Variants in MYT1L observed in about 807,000 individuals in gnomAD.
MYT1L encodes the protein myelin transcription factor 1-like protein.
A neutral mutation model predicts 126.7 loss-of-function variants in MYT1L; 12 were observed. The ratio of observed to expected loss-of-function variants is 0.09; its 90% CI spans 0.06 to 0.15. The LOEUF (loss-of-function observed/expected upper bound fraction) is 0.15. Ranked by LOEUF, MYT1L falls within the 10% of genes least tolerant of loss-of-function variation. MYT1L has a pLI of 1.00. For missense variants in MYT1L, 979 were observed against 1,585.2 expected (o/e 0.62, Z 6.49); for synonymous variants, 541 against 604.2 (o/e 0.90, Z 1.53).
intron 2 of MYT1L, among the ~76,000 whole-genome samples, chr2:2,230,042 AT>A (rs1329615716): frequency 6.6e-6 from 1 of 152,200 alleles, no homozygotes; most frequent in Non-Finnish European, 1.5e-5. Flanking sequence ...CTTCAAAACA[AT>A]TCCTCTTTTC....
At position 1,961,558 on chromosome 2, in the gene MYT1L, A is replaced by T. The variant is rs530222395; in HGVS notation, c.152+17607T>A. The stretch of plus-strand genomic sequence containing the variant: ...AAGACGCGTGTGCTGGGCCTCTGCC[A>T]TCGGGCTTCGTGCACCCACACTGGC... On this transcript the variant is annotated intron_variant, in intron 8 of 24. Coordinates refer to ENST00000647738, the MANE Select transcript of MYT1L (RefSeq NM_001303052.2). 2.0e-5 allele frequency among the ~76,000 whole-genome samples: 3 copies of T among 152,256 alleles called. No individual in the cohort carries two copies. The East Asian group carries it at 5.8e-4, about 29-fold the overall frequency.
chr2:1,874,603 T>C (rs559436654), intron 18 of MYT1L, among the ~76,000 whole-genome samples: 1 of 152,278 alleles, frequency 6.6e-6, no homozygotes, highest in South Asian at 2.1e-4. Context: ...CCGGATGTCC[T>C]TCCTCCATCA....
At chr2:2,173,843 C>A (rs1161681942) in intron 2 of MYT1L, among the ~76,000 whole-genome samples, 1 of 152,186 alleles carries the variant, frequency 6.6e-6, no homozygotes, top group Non-Finnish European at 1.5e-5. Flanking sequence ...GCTCCCCATG[C>A]TGTTTATGAG....
At chr2:2,330,821 A>G (rs541789529) in intron 1 of MYT1L, 146 bp downstream of exon 1, 3 of 152,334 alleles carry the variant, frequency 2.0e-5, no homozygotes, top group African/African-American at 7.2e-5. Context: ...CCTCCAGTCC[A>G]GGAACATTTC....
chr2:1,934,908 CA>C lies in MYT1L; in HGVS notation c.505+8073del, dbSNP rs752884984. Among the ~76,000 whole-genome samples the C allele has an allele frequency of 4.6e-5, 7 of 152,232 alleles. No individual in the cohort carries two copies. The South Asian group carries it at 1.0e-3, about 23-fold the overall frequency. ...TGAAAATTCTGGTTCTTCTGTTTTCCAGAATGGGTTTGAGACACAGGTGGCT... is the reference window on the plus strand; with the variant it reads ...TGAAAATTCTGGTTCTTCTGTTTTCCGAATGGGTTTGAGACACAGGTGGCT... On this transcript the variant is annotated intron_variant, in intron 9 of 24. Transcript: ENST00000647738.
intron 8 of MYT1L, among the ~76,000 whole-genome samples, chr2:1,950,224 A>G (rs545915573): frequency 6.6e-6 from 1 of 152,004 alleles, no homozygotes; most frequent in African/African-American, 2.4e-5. Context: ...TGATTTTCTG[A>G]TCTCTGAAGG....
chr2:2,026,291 T>A (rs2065563783), intron 4 of MYT1L, among the ~76,000 whole-genome samples: 1 of 152,122 alleles, frequency 6.6e-6, no homozygotes, highest in Admixed American at 6.5e-5. Flanking sequence ...AGAGGTTTGC[T>A]GGGGCCGGCC....
intron 21 of MYT1L, among the ~76,000 whole-genome samples, chr2:1,819,323 G>A (rs1330821792): frequency 6.6e-6 from 1 of 152,216 alleles, no homozygotes; most frequent in Non-Finnish European, 1.5e-5. Flanking sequence ...TAACAGGAGG[G>A]TCATGACAAT....
At chr2:2,209,218 G>T (rs927957554) in intron 2 of MYT1L, among the ~76,000 whole-genome samples, 1 of 152,070 alleles carries the variant, frequency 6.6e-6, no homozygotes, top group South Asian at 2.1e-4. Flanking sequence ...GGTCTCCATC[G>T]CCTCAAGCAT....
intron 3 of MYT1L, among the ~76,000 whole-genome samples, chr2:2,167,064 T>A (rs531708316): frequency 2.0e-5 from 3 of 152,248 alleles, no homozygotes; most frequent in African/African-American, 7.2e-5. Flanking sequence ...GCGAGGCAAG[T>A]GTGTCTTGGG....
chr2:2,286,141 C>G (rs1006385679), intron 1 of MYT1L, among the ~76,000 whole-genome samples: 1 of 152,140 alleles, frequency 6.6e-6, no homozygotes, highest in Admixed American at 6.5e-5. Context: ...TGCCACCACC[C>G]CCGGCTAATT....
intron 1 of MYT1L, among the ~76,000 whole-genome samples, chr2:2,314,512 C>G (rs1030899991): frequency 3.0e-4 from 45 of 152,062 alleles, no homozygotes; most frequent in African/African-American, 1.1e-3. Context: ...GGCCACTGGC[C>G]CTGACAAATG....
intron 18 of MYT1L, among the ~76,000 whole-genome samples, chr2:1,869,463 G>A (rs551542381): frequency 7.9e-5 from 12 of 152,272 alleles, no homozygotes; most frequent in Non-Finnish European, 1.5e-4. Flanking sequence ...ATGTGCGTGA[G>A]CCTGTGTGTG....
At position 2,059,666 on chromosome 2, in the gene MYT1L, CTTAA is replaced by C. The variant is rs1025544735; in HGVS notation, c.-303-5547_-303-5544del. Among the ~76,000 whole-genome samples, 78 of 152,116 alleles carry C rather than the reference CTTAA, an allele frequency of 5.1e-4. No homozygotes were observed. The highest frequency in any genetic ancestry group is 1.3e-4 in the Admixed American group (2 of 15,258). ...TATGAAAAATTTCTCTCTGAAAGTC[CTTAA>C]TTATGTCTGCGTCGTAGGCTCTTCA... On this transcript the variant is annotated intron_variant, in intron 3 of 24. Transcript: ENST00000647738. This position sits in a 1 kb window ranked among gnomAD's most constrained non-coding sequence, Gnocchi z 4.7.
At chr2:2,190,965 A>C (rs538099676) in intron 2 of MYT1L, among the ~76,000 whole-genome samples, 2 of 152,212 alleles carry the variant, frequency 1.3e-5, no homozygotes, top group Non-Finnish European at 2.9e-5. Flanking sequence ...TTGTATTTTT[A>C]GTAGAGACAG....
At chr2:1,916,726 A>G (rs988660038) in intron 11 of MYT1L, among the ~76,000 whole-genome samples, 12 of 152,196 alleles carry the variant, frequency 7.9e-5, no homozygotes, top group African/African-American at 2.9e-4. Flanking sequence ...CAGACTTTAC[A>G]GGTGAAATGC....
intron 4 of MYT1L, among the ~76,000 whole-genome samples, chr2:2,003,393 C>G (rs1220942357): frequency 1.3e-5 from 2 of 152,170 alleles, no homozygotes; most frequent in African/African-American, 4.8e-5. Context: ...AACCCAGGCC[C>G]CCAGTCCAGG....
intron 18 of MYT1L, among the ~76,000 whole-genome samples, chr2:1,866,530 G>A (rs2045505580): frequency 1.4e-5 from 2 of 138,356 alleles, no homozygotes; most frequent in South Asian, 2.6e-4. Flanking sequence ...AGAGAGTTGG[G>A]AGGAGAGAGA....
intron 1 of MYT1L, among the ~76,000 whole-genome samples, chr2:2,317,899 C>A (rs1206565749): frequency 6.6e-6 from 1 of 152,146 alleles, no homozygotes; most frequent in African/African-American, 2.4e-5. Context: ...GACTCTAATG[C>A]AAGCCAAAAA....
Sources: gnomAD v4.1 joint callset for allele counts (sites outside exome capture counted in the v4.1 genomes callset) on GRCh38, gnomAD v4.1.1 for gene constraint, Gnocchi (gnomAD v3.1) non-coding constraint, MANE v1.5 for transcripts, NCBI Gene and HGNC (gene_info 2026-07-23, HGNC 2026-07-21) for gene names.